Variants in CDKAL1 observed in about 807,000 individuals in gnomAD.
The protein encoded by CDKAL1 is CDKAL1 threonylcarbamoyladenosine tRNA methylthiotransferase, also known as threonylcarbamoyladenosine tRNA methylthiotransferase.
A neutral mutation model predicts 68.2 loss-of-function variants in CDKAL1; 32 were observed. The observed-to-expected ratio is 0.47, with a 90% CI of 0.35 to 0.63. The LOEUF (loss-of-function observed/expected upper bound fraction) is 0.63, where lower values mean the gene tolerates loss of function less well. Ranked by LOEUF, CDKAL1 falls within the 30% of genes least tolerant of loss-of-function variation. CDKAL1 has a pLI of 0.00. For synonymous variants in CDKAL1, 234 were observed against 244.3 expected (o/e 0.96, Z 0.39); for missense variants, 606 against 696.7 (o/e 0.87, Z 1.47).
At chr6:20,561,164 G>A (rs1178391981) in intron 4 of CDKAL1, among the ~76,000 whole-genome samples, 3 of 152,022 alleles carry the variant, frequency 2.0e-5, no homozygotes, top group East Asian at 1.9e-4. Context: ...ACTGTCAGCC[G>A]GGCGCAGTGG....
chr6:20,774,291 A>T (rs1026257793), intron 7 of CDKAL1, among the ~76,000 whole-genome samples: 2 of 152,248 alleles, frequency 1.3e-5, no homozygotes, highest in African/African-American at 2.4e-5. Flanking sequence ...TAAAGCTCGT[A>T]TGTGCAACCC....
intron 9 of CDKAL1, among the ~76,000 whole-genome samples, chr6:20,855,109 A>AT (rs879503955): frequency 2.6e-5 from 4 of 152,146 alleles, no homozygotes; most frequent in Non-Finnish European, 5.9e-5. Flanking sequence ...CTCACATACC[A>AT]TGTTTCTGAA....
intron 12 of CDKAL1, among the ~76,000 whole-genome samples, chr6:21,084,698 G>A (rs1197394595): frequency 6.6e-6 from 1 of 152,106 alleles, no homozygotes; most frequent in Non-Finnish European, 1.5e-5. Flanking sequence ...CTTTGAACTT[G>A]TTATTTTAGG....
intron 11 of CDKAL1, among the ~76,000 whole-genome samples, chr6:21,005,002 A>G (rs1767646021): frequency 6.6e-6 from 1 of 152,058 alleles, no homozygotes; most frequent in Admixed American, 6.6e-5. Flanking sequence ...TATGTATCTT[A>G]TATATTTTAC....
chr6:20,704,593 G>T (rs1771516430), intron 5 of CDKAL1, among the ~76,000 whole-genome samples: 1 of 152,134 alleles, frequency 6.6e-6, no homozygotes, highest in Non-Finnish European at 1.5e-5. Flanking sequence ...TCTACTTAAT[G>T]AATAGCTTTG....
chr6:20,821,337 C>G (rs1777270867), intron 8 of CDKAL1, among the ~76,000 whole-genome samples: 1 of 152,010 alleles, frequency 6.6e-6, no homozygotes, highest in African/African-American at 2.4e-5. Context: ...ATGGTGGAAA[C>G]AGCATCCTAG....
chr6:20,846,920 T>C (rs1273035448), intron 9 of CDKAL1, among the ~76,000 whole-genome samples: 2 of 152,216 alleles, frequency 1.3e-5, no homozygotes, highest in African/African-American at 4.8e-5. Context: ...CATGAGATAA[T>C]CTATTGTCTC....
chr6:20,566,892 G>T (rs568250030), intron 4 of CDKAL1, among the ~76,000 whole-genome samples: 5 of 152,054 alleles, frequency 3.3e-5, no homozygotes, highest in African/African-American at 1.2e-4. Context: ...TTCCATAGAA[G>T]GAAAACAATT....
At chr6:20,681,869 A>G (rs1197447319) in intron 5 of CDKAL1, among the ~76,000 whole-genome samples, 1 of 152,216 alleles carries the variant, frequency 6.6e-6, no homozygotes, top group Non-Finnish European at 1.5e-5. Context: ...CAGGTGGGTT[A>G]TAAACGACAG....
intron 9 of CDKAL1, among the ~76,000 whole-genome samples, chr6:20,911,392 G>A (rs970550572): frequency 6.6e-6 from 1 of 152,168 alleles, no homozygotes; most frequent in Non-Finnish European, 1.5e-5. Context: ...GGAAAAGGAG[G>A]CGCTCTGTTG....
At chr6:21,154,834 C>G (rs1221008262) in intron 13 of CDKAL1, among the ~76,000 whole-genome samples, 1 of 150,744 alleles carries the variant, frequency 6.6e-6, no homozygotes, top group Non-Finnish European at 1.5e-5. Flanking sequence ...CTAAAAATAC[C>G]AAAAAAAAAT....
chr6:20,769,107 T>C (rs538353363), intron 7 of CDKAL1, among the ~76,000 whole-genome samples: 23 of 152,274 alleles, frequency 1.5e-4, no homozygotes, highest in African/African-American at 5.1e-4. Context: ...CCCAGGACCA[T>C]GTACGGTTCC....
intron 12 of CDKAL1, among the ~76,000 whole-genome samples, chr6:21,077,421 G>A (rs1248844080): frequency 6.6e-6 from 1 of 152,162 alleles, no homozygotes; most frequent in Admixed American, 6.5e-5. Context: ...ACCTTGCATG[G>A]TGTATTAGTT....
intron 10 of CDKAL1, among the ~76,000 whole-genome samples, chr6:20,965,020 CTG>C (rs1765233454): frequency 6.6e-6 from 1 of 152,110 alleles, no homozygotes; most frequent in Admixed American, 6.5e-5. Context: ...TATAAATAAA[CTG>C]ATGTTTGGCC....
At chr6:20,823,715 C>T (rs1021743425) in intron 8 of CDKAL1, among the ~76,000 whole-genome samples, 5 of 152,106 alleles carry the variant, frequency 3.3e-5, no homozygotes, top group East Asian at 1.9e-4. Context: ...AATAACTCTT[C>T]GGTGAACAAT....
intron 9 of CDKAL1, among the ~76,000 whole-genome samples, chr6:20,864,720 A>G (rs1759812058): frequency 6.6e-6 from 1 of 152,164 alleles, no homozygotes; most frequent in Non-Finnish European, 1.5e-5. Context: ...TCTCAAATTG[A>G]ATATCAGCTA....
At chr6:20,881,937 C>A (rs1194437797) in intron 9 of CDKAL1, among the ~76,000 whole-genome samples, 4 of 152,168 alleles carry the variant, frequency 2.6e-5, no homozygotes, top group African/African-American at 4.8e-5. Flanking sequence ...TAGTCAAACT[C>A]TCTTATCGCT....
At chr6:21,025,141 T>G (rs1768887672) in intron 11 of CDKAL1, among the ~76,000 whole-genome samples, 1 of 152,246 alleles carries the variant, frequency 6.6e-6, no homozygotes, top group African/African-American at 2.4e-5. Flanking sequence ...GAAGTTGATG[T>G]GAAAGAAATC....
chr6:21,216,479 T>A lies in CDKAL1; in HGVS notation c.1549-14369T>A, dbSNP rs539751598. Reference sequence around the variant, plus strand: ...AAAGATCCGGTCTCCAGAAAAAAAATAATAATAAGTGTGTATTAGCAACCA... The same window carrying A: ...AAAGATCCGGTCTCCAGAAAAAAAAAAATAATAAGTGTGTATTAGCAACCA... On this transcript the variant is annotated intron_variant, in intron 15 of 15. Coordinates refer to ENST00000274695, the MANE Select transcript of CDKAL1 (RefSeq NM_017774.3). Among the ~76,000 whole-genome samples the A allele has an allele frequency of 1.2e-3, 189 of 151,764 alleles. 1 individual carries two copies. The highest frequency in any genetic ancestry group is 4.4e-3 in the African/African-American group (183 of 41,368).
Sources: gnomAD v4.1 joint callset for allele counts (sites outside exome capture counted in the v4.1 genomes callset) on GRCh38, gnomAD v4.1.1 for gene constraint, MANE v1.5 for transcripts, NCBI Gene and HGNC (gene_info 2026-07-23, HGNC 2026-07-21) for gene names.